Variants in TRAP1 observed in about 807,000 individuals in gnomAD.
TRAP1 encodes the protein TNF receptor associated protein 1.
Under a neutral mutation model 89.1 loss-of-function variants are expected in TRAP1, and 102 were observed. The observed-to-expected ratio is 1.15, with a 90% CI of 0.98 to 1.35. TRAP1 has a LOEUF of 1.35. Among genes scored for constraint, TRAP1 ranks in the 40% most tolerant of loss-of-function variants. The probability of loss-of-function intolerance (pLI) is 0.00; values close to 1 mark genes in which losing one functional copy is unlikely to be tolerated. For missense variants in TRAP1, 1,256 were observed against 945.3 expected, an observed-to-expected ratio of 1.33 and a Z score of -4.31; for synonymous variants, 508 against 388.0, an observed-to-expected ratio of 1.31 and a Z score of -3.64.
At chr16:3,674,730 A>T in intron 8 of TRAP1, 1 of 562,854 alleles carries the variant, frequency 1.8e-6, no homozygotes, top group East Asian at 3.0e-5. Flanking sequence ...CAGGAGGACC[A>T]GCCGGGACCT....
intron 1 of TRAP1, among the ~76,000 whole-genome samples, chr16:3,692,264 G>A (rs940015317): frequency 1.4e-4 from 21 of 152,126 alleles, no homozygotes; most frequent in Non-Finnish European, 2.1e-4. Flanking sequence ...CCAGGGGTGC[G>A]GTGGCTCACG....
intron 1 of TRAP1, among the ~76,000 whole-genome samples, chr16:3,701,550 CAAAAAA>C (rs34870237): frequency 8.3e-6 from 1 of 120,082 alleles, no homozygotes; most frequent in Admixed American, 8.7e-5. Context: ...GACCCTGTCC[CAAAAAA>C]AAAAAAAAAA....
chr16:3,673,608 G>T (rs1377867527), intron 9 of TRAP1, among the ~76,000 whole-genome samples: 1 of 152,190 alleles, frequency 6.6e-6, no homozygotes, highest in African/African-American at 2.4e-5. Flanking sequence ...GGGCTCCCAC[G>T]CAGGAGCCCT....
rs758542169 is a variant in TRAP1, at chr16:3,664,411, C to A, written c.1432G>T (p.Gly478Trp). ...LRYESSALPS[G>W]QLTSLSEYAS... ...TATTCTGAGAGGCTGGTTAGCTGCCCGGAGGGCAGCGCCGAGGACTCGTAG... is the reference window on the plus strand; with the variant it reads ...TATTCTGAGAGGCTGGTTAGCTGCCAGGAGGGCAGCGCCGAGGACTCGTAG... The change falls in exon 13 of 18, where the codon GGG (glycine) becomes TGG (tryptophan). Residue 478 changes from glycine to tryptophan, a missense_variant. Gly to Trp is a radical substitution (Grantham distance 184, BLOSUM62 -2). Transcript: ENST00000246957. The A allele has an allele frequency of 6.2e-7, 1 of 1,610,606 alleles. No homozygotes were observed. Among genetic ancestry groups the A allele is most frequent in the Non-Finnish European group, 8.5e-7 (1 of 1,178,436 alleles).
chr16:3,665,014 A>C (rs1413284001), intron 12 of TRAP1: 1 of 154,058 alleles, frequency 6.5e-6, no homozygotes, highest in African/African-American at 2.4e-5. Context: ...GGGGGAAAAC[A>C]GAAAGAGGGA....
At chr16:3,712,987 T>G (rs568076812) in intron 1 of TRAP1, among the ~76,000 whole-genome samples, 5 of 152,208 alleles carry the variant, frequency 3.3e-5, no homozygotes, top group Non-Finnish European at 7.3e-5. Context: ...GTCCTCCTGG[T>G]GGCCTTGGAC....
At chr16:3,661,283 T>C (rs1231397741) in intron 16 of TRAP1, 1 of 151,668 alleles carries the variant, frequency 6.6e-6, no homozygotes, top group Non-Finnish European at 1.5e-5. Flanking sequence ...AAAAGATACC[T>C]AAAGGCAGGT....
At chr16:3,663,639 G>A in intron 13 of TRAP1, 77 bp from the exon 14 acceptor site, 1 of 1,584,952 alleles carries the variant, frequency 6.3e-7, no homozygotes, top group South Asian at 1.1e-5. Flanking sequence ...AGGGCGGCAG[G>A]AGGGCTGGGG....
chr16:3,663,537 T>C lies in TRAP1; in HGVS notation c.1595A>G (p.Asp532Gly), dbSNP rs1284762056. 1.2e-6 allele frequency: 2 copies of C among 1,613,856 alleles called. No homozygotes were observed. The highest frequency in any genetic ancestry group is 3.3e-5 in the Admixed American group (2 of 60,002). Reference sequence around the variant, plus strand: ...ACGAAGGTGCAGCAGGGTGAGCTCATCAAACTGCTCAAAGCAGAAGAGAAC... The same window carrying C: ...ACGAAGGTGCAGCAGGGTGAGCTCACCAAACTGCTCAAAGCAGAAGAGAAC... ...TEVLFCFEQF[D>G]ELTLLHLREF... The change falls in exon 14 of 18, where the codon GAT becomes GGT. Residue 532 changes from aspartate (D) to glycine (G), a missense_variant. Coordinates refer to ENST00000246957, the MANE Select transcript of TRAP1 (RefSeq NM_016292.3).
At chr16:3,693,830 A>G (rs1451003015) in intron 1 of TRAP1, among the ~76,000 whole-genome samples, 2 of 151,966 alleles carry the variant, frequency 1.3e-5, no homozygotes, top group African/African-American at 4.8e-5. Context: ...CCATCTCTGC[A>G]AAAAACACAA....
At position 3,700,033 on chromosome 16, in the gene TRAP1, A is replaced by AT. The variant is rs199561333; in HGVS notation, c.89-9049dup. On this transcript the variant is annotated intron_variant, in intron 1 of 17. Coordinates refer to ENST00000246957, the MANE Select transcript of TRAP1 (RefSeq NM_016292.3). ...CAGCATATGACATTTCCCACTGTTA[A>AT]TTTTTTGGTTAATGTATAATTTATC... Among the ~76,000 whole-genome samples the AT allele has an allele frequency of 1.5e-3, 232 of 151,764 alleles. 5 individuals are homozygous for AT. In the East Asian group the frequency reaches 0.042, roughly 28 times the overall value.
chr16:3,709,532 C>G (rs1178476265), intron 1 of TRAP1, among the ~76,000 whole-genome samples: 1 of 152,180 alleles, frequency 6.6e-6, no homozygotes, highest in African/African-American at 2.4e-5. Context: ...ACAAAACATC[C>G]TCGCTATGGA....
chr16:3,673,845 G>A (rs959502645), intron 9 of TRAP1, among the ~76,000 whole-genome samples: 1 of 145,860 alleles, frequency 6.9e-6, no homozygotes, highest in East Asian at 2.0e-4. Flanking sequence ...AGGGTGTGGA[G>A]GAAGCACACA....
At chr16:3,680,386 G>A (rs1387817948) in intron 4 of TRAP1, among the ~76,000 whole-genome samples, 3 of 152,242 alleles carry the variant, frequency 2.0e-5, no homozygotes, top group African/African-American at 7.2e-5. Flanking sequence ...GAAAAGCACA[G>A]CTCTCCCACC....
In TRAP1 at chr16:3,658,774, C is replaced by T; in HGVS notation, c.2013+19G>A. ...TGGTAGCCTGGGTCCCTGCAGTCAT[C>T]CTAAGCTGCTGCACTCACCTGATCC... On this transcript the variant is annotated intron_variant, in intron 17 of 17. Transcript: ENST00000246957. The T allele has an allele frequency of 1.2e-6, 2 of 1,611,082 alleles. No homozygotes were observed. Among genetic ancestry groups the T allele is most frequent in the Non-Finnish European group, 1.7e-6 (2 of 1,178,620 alleles).
rs1388715144 is a variant in TRAP1, at chr16:3,658,687, AAAC to A, written c.2013+103_2013+105del. ...ACTCCATCTCAAAAAACAAACAAACAAACAAAAAGACAGGATTTTAGAGGAAAC... is the reference window on the plus strand; with the variant it reads ...ACTCCATCTCAAAAAACAAACAAACAAAAAAGACAGGATTTTAGAGGAAAC... On this transcript the variant is annotated intron_variant, in intron 17 of 17. Coordinates refer to ENST00000246957, the MANE Select transcript of TRAP1 (RefSeq NM_016292.3). 1.0e-5 allele frequency: 12 copies of A among 1,160,146 alleles called. No individual in the cohort carries two copies. In the Admixed American group the frequency reaches 1.4e-4, roughly 14 times the overall value. 71.9% of individuals were successfully genotyped at this position (1,160,146 alleles called of 1,614,324 possible). A position where few individuals can be genotyped will look rare whatever the true frequency, so the allele number is the denominator to read the frequency against.
At chr16:3,712,512 G>T (rs1315109796) in intron 1 of TRAP1, among the ~76,000 whole-genome samples, 1 of 151,964 alleles carries the variant, frequency 6.6e-6, no homozygotes, top group East Asian at 1.9e-4. Flanking sequence ...TCCTGCCAAG[G>T]GGTAGCAAAA....
chr16:3,694,633 T>G lies in TRAP1; in HGVS notation c.89-3648A>C, dbSNP rs576476146. Among the ~76,000 whole-genome samples, 5 of 152,278 alleles carry G rather than the reference T, an allele frequency of 3.3e-5. No homozygotes were observed. The South Asian group carries it at 1.0e-3, about 32-fold the overall frequency. On this transcript the variant is annotated intron_variant, in intron 1 of 17. Coordinates refer to ENST00000246957, the MANE Select transcript of TRAP1 (RefSeq NM_016292.3). The stretch of plus-strand genomic sequence containing the variant: ...GATTACAGACGTGAGCCACCATACC[T>G]GGCCTCTTTTTAAAAAAGAATAAAA...
At chr16:3,712,924 T>A (rs1335990605) in intron 1 of TRAP1, among the ~76,000 whole-genome samples, 1 of 152,140 alleles carries the variant, frequency 6.6e-6, no homozygotes, top group Admixed American at 6.6e-5. Context: ...CCTGATGTGT[T>A]CTTTTTCAGG....
Sources: allele counts gnomAD v4.1 joint callset (sites outside exome capture counted in the v4.1 genomes callset), GRCh38; gene constraint gnomAD v4.1.1; transcripts MANE v1.5; gene names NCBI Gene and HGNC (gene_info 2026-07-23, HGNC 2026-07-21).